Variants in ECSIT observed in about 807,000 individuals in gnomAD.
The protein encoded by ECSIT is ECSIT signaling integrator.
ECSIT carries 29 observed loss-of-function variants against 36.8 expected under a neutral mutation model. The ratio of observed to expected loss-of-function variants is 0.79; its 90% CI spans 0.59 to 1.08. The LOEUF (loss-of-function observed/expected upper bound fraction) is 1.08, where lower values mean the gene tolerates loss of function less well. ECSIT is among the 50% of genes least tolerant of loss of function. The pLI is 0.00. For synonymous variants in ECSIT, 231 were observed against 234.8 expected, an observed-to-expected ratio of 0.98 and a Z score of 0.15; for missense variants, 542 against 581.0, an observed-to-expected ratio of 0.93 and a Z score of 0.69.
chr19:11,520,237 T>C (rs1972074959), intron 1 of ECSIT, among the ~76,000 whole-genome samples: 1 of 152,162 alleles, frequency 6.6e-6, no homozygotes, highest in East Asian at 1.9e-4. Context: ...AATAGTGCCA[T>C]CTCGGCTCAC....
At chr19:11,514,581 G>A (rs1971950627) in intron 2 of ECSIT, among the ~76,000 whole-genome samples, 1 of 150,920 alleles carries the variant, frequency 6.6e-6, no homozygotes, top group Non-Finnish European at 1.5e-5. Context: ...GGAATGTAGT[G>A]GTGCTACTGT....
At chr19:11,513,023 G>A in intron 4 of ECSIT, 33 bp downstream of exon 4, 3 of 1,604,300 alleles carry the variant, frequency 1.9e-6, no homozygotes. Flanking sequence ...CTGGCCTGGG[G>A]TGGCAGCTGA....
intron 1 of ECSIT, chr19:11,523,619 T>C: frequency 1.1e-6 from 1 of 900,868 alleles, no homozygotes; most frequent in South Asian, 1.3e-5. Flanking sequence ...CCTATGTATG[T>C]CAAGCTGGTG....
intron 1 of ECSIT, among the ~76,000 whole-genome samples, chr19:11,524,456 A>C (rs1304207097): frequency 1.3e-5 from 2 of 151,914 alleles, no homozygotes; most frequent in Admixed American, 1.3e-4. Context: ...CAGGAGGTGG[A>C]GTTTACAGTC....
rs1208090932 is a variant in ECSIT, at chr19:11,519,224, G to T, written c.-23-31C>A. The T allele has an allele frequency of 6.8e-7, 1 of 1,460,152 alleles. No homozygotes were observed. Among genetic ancestry groups the T allele is most frequent in the Non-Finnish European group, 9.3e-7 (1 of 1,071,428 alleles). The allele number at this position is 1,460,152 out of a possible 1,614,324, so 90.4% of individuals were successfully genotyped here. ...CCAAAAGAAGATTCAGCATTAGCCT[G>T]GCACCTTACAGATGCTAACAGACGC... is the stretch of plus-strand genomic sequence containing the variant. On this transcript the variant is annotated intron_variant, in intron 1 of 7. Coordinates refer to ENST00000270517, the MANE Select transcript of ECSIT (RefSeq NM_016581.5). This position sits in a 1 kb window ranked among gnomAD's most constrained non-coding sequence, Gnocchi z 4.4.
intron 7 of ECSIT, among the ~76,000 whole-genome samples, 172 bp downstream of exon 7, chr19:11,507,281 CCTTT>C (rs1172729509): frequency 7.1e-6 from 1 of 140,358 alleles, no homozygotes; most frequent in Non-Finnish European, 1.5e-5. Flanking sequence ...CAGGTTTTTG[CCTTT>C]TTTTTTTTTT....
chr19:11,513,532 G>A (rs1387511333), intron 3 of ECSIT, among the ~76,000 whole-genome samples: 6 of 128,818 alleles, frequency 4.7e-5, no homozygotes, highest in African/African-American at 2.4e-4. Flanking sequence ...AAGAAAGAGA[G>A]AAAGAGAGGA....
chr19:11,523,830 G>A, intron 1 of ECSIT: 1 of 597,354 alleles, frequency 1.7e-6, no homozygotes, highest in East Asian at 3.9e-5. Flanking sequence ...TGCAAGAAAT[G>A]AAGACATAAA....
At chr19:11,510,496 C>CG (rs1333526728) in intron 4 of ECSIT, 1 of 149,136 alleles carries the variant, frequency 6.7e-6, no homozygotes, top group Admixed American at 6.7e-5. Flanking sequence ...CTCCATAAGA[C>CG]GGGGGAGAAG....
intron 1 of ECSIT, among the ~76,000 whole-genome samples, chr19:11,525,941 A>G (rs1972207479): frequency 6.6e-6 from 1 of 150,950 alleles, no homozygotes; most frequent in African/African-American, 2.4e-5. Flanking sequence ...TCTCGGCCCT[A>G]TCCCAGACCT....
At chr19:11,526,475 C>T (rs745498880) in intron 1 of ECSIT, among the ~76,000 whole-genome samples, 3 of 152,188 alleles carry the variant, frequency 2.0e-5, no homozygotes, top group Admixed American at 6.6e-5. Context: ...TCCATCCTAT[C>T]CAATCGCACC....
Position 11,524,543 on chromosome 19 carries a change from G to T in ECSIT, c.-24+4519C>A, listed in dbSNP as rs546284954. 3.3e-5 allele frequency among the ~76,000 whole-genome samples: 5 copies of T among 151,544 alleles called. No individual in the cohort carries two copies. The South Asian group carries it at 1.0e-3, about 32-fold the overall frequency. ...CGTCTCAAAAATAAATAAATAAATA[G>T]AGCACCCCACTGAAGGCTGGGCACA... On this transcript the variant is annotated intron_variant, in intron 1 of 7. Coordinates refer to ENST00000270517, the MANE Select transcript of ECSIT (RefSeq NM_016581.5).
chr19:11,517,247 G>C (rs1436645687), intron 2 of ECSIT, among the ~76,000 whole-genome samples: 4 of 151,032 alleles, frequency 2.6e-5, no homozygotes, highest in African/African-American at 9.8e-5. Context: ...GGTCCCCACA[G>C]CCATCCCATA....
rs550314335 is a variant in ECSIT at position 11,518,195 on chromosome 19, G to A, written c.96+880C>T. On this transcript the variant is annotated intron_variant, in intron 2 of 7. Coordinates refer to ENST00000270517, the MANE Select transcript of ECSIT (RefSeq NM_016581.5). ...TAATCCCAGCACTCTGGGAGGCCGA[G>A]GCGGGTGAATCACCTGAGGTCAGGA... is the stretch of plus-strand genomic sequence containing the variant. 1.1e-4 allele frequency among the ~76,000 whole-genome samples: 17 copies of A among 151,828 alleles called. No homozygotes were observed. In the East Asian group the frequency reaches 3.3e-3, roughly 30 times the overall value.
At chr19:11,508,975 T>C (rs1971814744) in intron 4 of ECSIT, among the ~76,000 whole-genome samples, 1 of 152,212 alleles carries the variant, frequency 6.6e-6, no homozygotes, top group African/African-American at 2.4e-5. Context: ...AAGCAAATGA[T>C]AGCTTTCACC....
At chr19:11,523,337 A>G in intron 1 of ECSIT, 1 of 316,828 alleles carries the variant, frequency 3.2e-6, no homozygotes, top group Non-Finnish European at 5.6e-6. Context: ...ATATAACATT[A>G]AAAAATATGT....
At position 11,513,847 on chromosome 19, in the gene ECSIT, C is replaced by T; in HGVS notation, c.471G>A (p.Gln157=). The change falls in exon 3 of 8, where the codon CAG becomes CAA. Residue 157 remains glutamine, a synonymous_variant. Transcript: ENST00000270517. Reference sequence around the variant, plus strand: ...CCAGGACAGCAATCCCACACTCCTGCTGCCGAGGGTAGTGGACGAAGATGC... The same window carrying T: ...CCAGGACAGCAATCCCACACTCCTGTTGCCGAGGGTAGTGGACGAAGATGC... ...IQRIFVHYPR[Q]QECGIAVLEQ... is the part of the protein sequence containing the mutation. The T allele has an allele frequency of 6.2e-7, 1 of 1,614,152 alleles. No homozygotes were observed. The highest frequency in any genetic ancestry group is 8.5e-7 in the Non-Finnish European group (1 of 1,180,038).
chr19:11,514,278 G>T (rs1296743107), intron 2 of ECSIT, 57 bp from the exon 3 acceptor site: 3 of 1,477,766 alleles, frequency 2.0e-6, no homozygotes, highest in Admixed American at 2.4e-5. Context: ...ATGGGGGGCC[G>T]CCAGGCTGGC....
chr19:11,528,169 G>T (rs544995705), intron 1 of ECSIT, among the ~76,000 whole-genome samples: 90 of 152,228 alleles, frequency 5.9e-4, no homozygotes, highest in African/African-American at 2.1e-3. Flanking sequence ...CTCCAGATCT[G>T]CCCACAGCTG....
Sources: allele counts gnomAD v4.1 joint callset (sites outside exome capture counted in the v4.1 genomes callset), GRCh38; gene constraint gnomAD v4.1.1; non-coding constraint Gnocchi (gnomAD v3.1); transcripts MANE v1.5; gene names NCBI Gene and HGNC (gene_info 2026-07-23, HGNC 2026-07-21).